The following CYP3A7 variants were observed in gnomAD, a reference collection of about 807,000 sequenced individuals.
The protein encoded by CYP3A7 is cytochrome P450 family 3 subfamily A member 7.
CYP3A7 carries 45 observed loss-of-function variants against 55.2 expected under a neutral mutation model. That is an observed-to-expected ratio of 0.82 (90% confidence interval 0.64 to 1.05). The LOEUF (loss-of-function observed/expected upper bound fraction) is 1.05. Ranked by LOEUF, CYP3A7 falls within the 50% of genes least tolerant of loss-of-function variation. The probability of loss-of-function intolerance (pLI) is 0.00; values close to 1 mark genes in which losing one functional copy is unlikely to be tolerated. For synonymous variants in CYP3A7, 180 were observed against 207.4 expected (o/e 0.87, Z 1.13); for missense variants, 548 against 605.3 (o/e 0.91, Z 0.99).
At chr7:99,734,628 T>C (rs574507340) in intron 1 of CYP3A7, among the ~76,000 whole-genome samples, 3 of 148,382 alleles carry the variant, frequency 2.0e-5, no homozygotes, top group East Asian at 2.0e-4. Context: ...TTTTTTCTCT[T>C]TTTTTTTTTT....
rs551232838 is a variant in CYP3A7 at position 99,710,160 on chromosome 7, G to T, written c.1026+572C>A. 1.8e-4 allele frequency among the ~76,000 whole-genome samples: 27 copies of T among 152,304 alleles called. No individual in the cohort carries two copies. The South Asian group carries it at 1.9e-3, about 11-fold the overall frequency. On this transcript the variant is annotated intron_variant, in intron 10 of 12. Coordinates refer to ENST00000336374, the MANE Select transcript of CYP3A7 (RefSeq NM_000765.5). ...CATAGCACAAAGAATCCAAGTTTTG[G>T]CAGAGGTCTGAAAACAGTGTGGTTG...
intron 3 of CYP3A7, 21 bp downstream of exon 3, chr7:99,722,275 G>A (rs1354723282): frequency 2.5e-6 from 4 of 1,613,152 alleles, no homozygotes; most frequent in Non-Finnish European, 3.4e-6. Context: ...TCTATCCAAT[G>A]GAATCTTCCA....
chr7:99,706,535 C>T (rs1253085865), intron 12 of CYP3A7, among the ~76,000 whole-genome samples: 1 of 152,234 alleles, frequency 6.6e-6, no homozygotes, highest in African/African-American at 2.4e-5. Context: ...TTAATAAATA[C>T]ATGAGACCTA....
At chr7:99,717,778 G>T (rs1814022582) in intron 4 of CYP3A7, 139 bp from the exon 5 acceptor site, 6 of 1,118,932 alleles carry the variant, frequency 5.4e-6, no homozygotes, top group Non-Finnish European at 7.8e-6. Flanking sequence ...TATGACAGAT[G>T]CTCAATAGGA....
intron 10 of CYP3A7, among the ~76,000 whole-genome samples, chr7:99,709,485 G>T (rs1431967106): frequency 6.6e-6 from 1 of 152,146 alleles, no homozygotes; most frequent in Admixed American, 6.5e-5. Context: ...ATTCGGGAAG[G>T]CTCTAACCCC....
intron 2 of CYP3A7, chr7:99,730,846 T>C: frequency 1.8e-6 from 1 of 558,776 alleles, no homozygotes; most frequent in Admixed American, 3.1e-5. Context: ...CTACTTGACA[T>C]TTGGGCTGTC....
intron 12 of CYP3A7, among the ~76,000 whole-genome samples, chr7:99,706,100 G>A (rs1813512876): frequency 6.6e-6 from 1 of 152,214 alleles, no homozygotes; most frequent in Non-Finnish European, 1.5e-5. Flanking sequence ...AAGATGGGAA[G>A]ACACCTTCAG....
intron 6 of CYP3A7, among the ~76,000 whole-genome samples, chr7:99,716,740 C>T (rs964479609): frequency 2.6e-5 from 4 of 152,032 alleles, no homozygotes; most frequent in Admixed American, 6.6e-5. Context: ...TCTACTGATA[C>T]CCTCAGAAAA....
At chr7:99,731,453 A>C (rs561315501) in intron 1 of CYP3A7, among the ~76,000 whole-genome samples, 197 of 152,306 alleles carry the variant, frequency 1.3e-3, no homozygotes, top group African/African-American at 4.4e-3. Context: ...GAGGTTCAGG[A>C]ACGAATTCTT....
At chr7:99,731,911 T>A (rs899035176) in intron 1 of CYP3A7, among the ~76,000 whole-genome samples, 1 of 152,218 alleles carries the variant, frequency 6.6e-6, no homozygotes, top group Admixed American at 6.5e-5. Flanking sequence ...TTTTCCTGAA[T>A]GACACTGTGC....
At chr7:99,707,470 A>G (rs1260048593) in intron 12 of CYP3A7, among the ~76,000 whole-genome samples, 1 of 152,240 alleles carries the variant, frequency 6.6e-6, no homozygotes, top group Non-Finnish European at 1.5e-5. Flanking sequence ...GCATCATTCA[A>G]AAGTCAAAAC....
Position 99,717,249 on chromosome 7 carries a change from G to C in CYP3A7, c.449C>G (p.Ala150Gly). The C allele has an allele frequency of 6.2e-7, 1 of 1,613,936 alleles. No individual in the cohort carries two copies. Among genetic ancestry groups the C allele is most frequent in the Non-Finnish European group, 8.5e-7 (1 of 1,179,852 alleles). The change falls in exon 6 of 13, where the codon GCC becomes GGC. Residue 150 changes from alanine (A) to glycine (G), a missense_variant. Ala to Gly is a moderately conservative substitution (Grantham distance 60). Coordinates refer to ENST00000336374, the MANE Select transcript of CYP3A7 (RefSeq NM_000765.5). ...TCTCACCAACACATCTCCATACTGG[G>C]CAATGATAGGGACCATCTAAGCACA... is the stretch of plus-strand genomic sequence containing the variant. ...GKLKEMVPII[A>G]QYGDVLVRNL... is the part of the protein sequence containing the mutation.
intron 3 of CYP3A7, 119 bp from the exon 4 acceptor site, chr7:99,720,531 A>AGAT: frequency 9.3e-7 from 1 of 1,080,104 alleles, no homozygotes; most frequent in Non-Finnish European, 1.4e-6. Context: ...TACAATACAC[A>AGAT]GTAATCTTAA....
chr7:99,715,684 A>G, intron 7 of CYP3A7, 74 bp downstream of exon 7: 8 of 1,607,580 alleles, frequency 5.0e-6, no homozygotes, highest in South Asian at 1.1e-5. Context: ...GATGAATTAC[A>G]TGGTGATTTA....
chr7:99,727,220 G>A (rs764279002), intron 2 of CYP3A7, among the ~76,000 whole-genome samples: 9 of 152,136 alleles, frequency 5.9e-5, no homozygotes, highest in Non-Finnish European at 1.2e-4. Context: ...GACTGGGACC[G>A]TGCTCTGTAG....
chr7:99,729,244 C>A (rs1225905186), intron 2 of CYP3A7, among the ~76,000 whole-genome samples: 3 of 152,142 alleles, frequency 2.0e-5, no homozygotes, highest in African/African-American at 7.2e-5. Context: ...AGACTATCAC[C>A]AATTATTCTA....
At chr7:99,726,856 C>T (rs1243012117) in intron 2 of CYP3A7, among the ~76,000 whole-genome samples, 5 of 152,200 alleles carry the variant, frequency 3.3e-5, no homozygotes, top group Non-Finnish European at 5.9e-5. Context: ...CCATCCGTTA[C>T]GTACCTCAGC....
At chr7:99,715,547 G>T in intron 7 of CYP3A7, 3 of 790,110 alleles carry the variant, frequency 3.8e-6, no homozygotes, top group Non-Finnish European at 5.8e-6. Flanking sequence ...AGGATTTCTG[G>T]CAGGGGGTTG....
chr7:99,722,198 T>G, intron 3 of CYP3A7, 98 bp downstream of exon 3: 1 of 1,488,158 alleles, frequency 6.7e-7, no homozygotes, highest in Non-Finnish European at 9.3e-7. Context: ...GGCAAGAGCT[T>G]CATCGCAAGA....
Sources: gnomAD v4.1 joint callset for allele counts (sites outside exome capture counted in the v4.1 genomes callset) on GRCh38, gnomAD v4.1.1 for gene constraint, MANE v1.5 for transcripts, NCBI Gene and HGNC (gene_info 2026-07-23, HGNC 2026-07-21) for gene names.